ADARB2: variants seen among roughly 807,000 people sequenced by gnomAD.
ADARB2 encodes the protein inactive double-stranded RNA-specific editase B2.
A neutral mutation model predicts 62.2 loss-of-function variants in ADARB2; 25 were observed. The observed-to-expected ratio is 0.40, with a 90% CI of 0.29 to 0.56. The LOEUF (loss-of-function observed/expected upper bound fraction) is 0.56. Among genes scored for constraint, ADARB2 ranks in the 20% least tolerant of loss-of-function variants. ADARB2 has a pLI of 0.43. For missense variants in ADARB2, 1,071 were observed against 1,077.4 expected, an observed-to-expected ratio of 0.99 and a Z score of 0.08; for synonymous variants, 572 against 500.8, an observed-to-expected ratio of 1.14 and a Z score of -1.90.
chr10:1,718,910 A>G (rs1180957539), intron 1 of ADARB2, among the ~76,000 whole-genome samples: 3 of 152,224 alleles, frequency 2.0e-5, no homozygotes, highest in African/African-American at 7.2e-5. Context: ...CCTCGATTGT[A>G]GTGGTCAGAT....
chr10:1,537,575 A>G (rs545120841), intron 1 of ADARB2, among the ~76,000 whole-genome samples: 35 of 152,262 alleles, frequency 2.3e-4, no homozygotes, highest in Admixed American at 2.0e-3. Flanking sequence ...ATGCCCATCA[A>G]TGATAGACTG....
intron 1 of ADARB2, among the ~76,000 whole-genome samples, chr10:1,462,784 CGT>C (rs924136119): frequency 1.7e-4 from 26 of 150,454 alleles, no homozygotes; most frequent in Middle Eastern, 3.5e-3. Context: ...TATGTGTGCA[CGT>C]GTGTGCATGT....
In ADARB2 at chr10:1,183,151, C is replaced by T. The variant is rs750631279; in HGVS notation, c.*42G>A. ...TCGCCCCCCAGACACGGTCCCATCC[C>T]TCCAGCGTCCCGCTCAGCTCCAGCA... On this transcript the variant is annotated 3_prime_UTR_variant, in exon 10 of 10. Coordinates refer to ENST00000381312, the MANE Select transcript of ADARB2 (RefSeq NM_018702.4). 3.7e-6 allele frequency: 6 copies of T among 1,600,306 alleles called. No individual in the cohort carries two copies. The highest frequency in any genetic ancestry group is 1.7e-5 in the Admixed American group (1 of 59,634).
chr10:1,609,898 G>A (rs112319315), intron 1 of ADARB2, among the ~76,000 whole-genome samples: 4,713 of 152,326 alleles, frequency 0.031, 118 homozygotes, highest in South Asian at 0.076. Flanking sequence ...ATAGCAGGGC[G>A]CTGACAGTCC....
intron 1 of ADARB2, among the ~76,000 whole-genome samples, chr10:1,694,015 C>T (rs1834705981): frequency 6.6e-6 from 1 of 152,184 alleles, no homozygotes; most frequent in Non-Finnish European, 1.5e-5. Context: ...CAAAAAGCCT[C>T]AGTAAAACTT....
chr10:1,565,038 C>T (rs1564332162), intron 1 of ADARB2, among the ~76,000 whole-genome samples: 1 of 152,230 alleles, frequency 6.6e-6, no homozygotes, highest in Non-Finnish European at 1.5e-5. Flanking sequence ...CTTCCCCTCC[C>T]TCCCGTGCAG....
intron 1 of ADARB2, among the ~76,000 whole-genome samples, chr10:1,625,445 T>C (rs1411448612): frequency 6.6e-6 from 1 of 152,174 alleles, no homozygotes; most frequent in Non-Finnish European, 1.5e-5. Context: ...GGGTGTTTAG[T>C]GCCCTGGATG....
In ADARB2 at chr10:1,698,430, A is replaced by G. The variant is rs1402780578; in HGVS notation, c.100+38621T>C. On this transcript the variant is annotated intron_variant, in intron 1 of 9. Coordinates refer to ENST00000381312, the MANE Select transcript of ADARB2 (RefSeq NM_018702.4). Reference sequence around the variant, plus strand: ...CGATGTCATGCACAGAGCATGGGGGAGAGACATACGCTTCCTCTTCCTGCC... The same window carrying G: ...CGATGTCATGCACAGAGCATGGGGGGGAGACATACGCTTCCTCTTCCTGCC... Among the ~76,000 whole-genome samples the G allele has an allele frequency of 2.6e-5, 4 of 152,284 alleles. No homozygotes were observed. In the East Asian group the frequency reaches 7.7e-4, roughly 29 times the overall value.
At chr10:1,288,125 G>A (rs895673162) in intron 3 of ADARB2, among the ~76,000 whole-genome samples, 1 of 152,234 alleles carries the variant, frequency 6.6e-6, no homozygotes, top group Non-Finnish European at 1.5e-5. Context: ...GTCTGTCAGA[G>A]CCCTGACTGC....
intron 8 of ADARB2, among the ~76,000 whole-genome samples, chr10:1,185,320 C>T (rs539458455): frequency 6.6e-6 from 1 of 152,334 alleles, no homozygotes; most frequent in South Asian, 2.1e-4. Flanking sequence ...CCAGATTCCC[C>T]CCCCTTCTGT....
chr10:1,374,053 C>A (rs192705515), intron 2 of ADARB2, among the ~76,000 whole-genome samples: 1 of 152,286 alleles, frequency 6.6e-6, no homozygotes, highest in African/African-American at 2.4e-5. Flanking sequence ...CGGCCACCCA[C>A]GCCCTGGCAT....
At chr10:1,454,216 G>T (rs1831071542) in intron 1 of ADARB2, among the ~76,000 whole-genome samples, 1 of 152,136 alleles carries the variant, frequency 6.6e-6, no homozygotes, top group East Asian at 1.9e-4. Context: ...TCACTGTCAT[G>T]AGAACAGCAT....
At chr10:1,438,611 T>C (rs1830862623) in intron 1 of ADARB2, among the ~76,000 whole-genome samples, 1 of 151,608 alleles carries the variant, frequency 6.6e-6, no homozygotes, top group Non-Finnish European at 1.5e-5. Flanking sequence ...AGGCAGGCCC[T>C]TCACTATGGG....
intron 3 of ADARB2, chr10:1,291,620 C>G (rs1831466792): frequency 6.6e-6 from 1 of 152,232 alleles, no homozygotes; most frequent in African/African-American, 2.4e-5. Context: ...AGCGCCCCAC[C>G]AGGTCCCAGA....
chr10:1,409,334 C>G (rs955162855), intron 1 of ADARB2, among the ~76,000 whole-genome samples: 1 of 152,252 alleles, frequency 6.6e-6, no homozygotes. Context: ...TGCAGCCAAA[C>G]AGAGAATTTT....
At chr10:1,679,596 T>G (rs1834509364) in intron 1 of ADARB2, among the ~76,000 whole-genome samples, 2 of 152,106 alleles carry the variant, frequency 1.3e-5, no homozygotes, top group African/African-American at 4.8e-5. Context: ...ATTGAGGTGT[T>G]TTTATGTTAA....
intron 1 of ADARB2, among the ~76,000 whole-genome samples, chr10:1,540,179 C>T (rs1010479826): frequency 2.0e-5 from 3 of 151,900 alleles, no homozygotes; most frequent in Non-Finnish European, 1.5e-5. Flanking sequence ...TGCAGTTGCT[C>T]GTTCTTGGCT....
chr10:1,274,355 G>C (rs1239824001), intron 3 of ADARB2, among the ~76,000 whole-genome samples: 1 of 152,248 alleles, frequency 6.6e-6, no homozygotes, highest in African/African-American at 2.4e-5. Context: ...TTGATTCAAG[G>C]ACAAAACTAC....
At chr10:1,465,031 C>T (rs142179522) in intron 1 of ADARB2, among the ~76,000 whole-genome samples, 156 of 152,318 alleles carry the variant, frequency 1.0e-3, no homozygotes, top group African/African-American at 3.3e-3. Context: ...GGAGTTAACA[C>T]GGCTCCTCCC....
Sources: allele counts gnomAD v4.1 joint callset (sites outside exome capture counted in the v4.1 genomes callset), GRCh38; gene constraint gnomAD v4.1.1; transcripts MANE v1.5; gene names NCBI Gene and HGNC (gene_info 2026-07-23, HGNC 2026-07-21).